Variants in RBPJ observed in about 807,000 individuals in gnomAD.
The protein encoded by RBPJ is recombination signal binding protein for immunoglobulin kappa J region.
Under a neutral mutation model 67.8 loss-of-function variants are expected in RBPJ, and 9 were observed. The ratio of observed to expected loss-of-function variants is 0.13; its 90% CI spans 0.08 to 0.23. The LOEUF (loss-of-function observed/expected upper bound fraction) is 0.23. Ranked by LOEUF, RBPJ falls within the 10% of genes least tolerant of loss-of-function variation. The probability of loss-of-function intolerance (pLI) is 1.00; values close to 1 mark genes in which losing one functional copy is unlikely to be tolerated. For synonymous variants in RBPJ, 198 were observed against 203.3 expected (o/e 0.97, Z 0.22); for missense variants, 305 against 595.6 (o/e 0.51, Z 5.08).
At chr4:26,269,507 C>T (rs1018647102) in intron 1 of RBPJ, among the ~76,000 whole-genome samples, 1 of 152,092 alleles carries the variant, frequency 6.6e-6, no homozygotes. Context: ...CGGCCAGCCT[C>T]GGCCTCCCAA....
chr4:26,415,564 A>T lies in RBPJ; in HGVS notation c.245A>T (p.Gln82Leu). 3 of 1,613,362 alleles carry T rather than the reference A, an allele frequency of 1.9e-6. No homozygotes were observed. In the South Asian group the frequency reaches 3.3e-5, roughly 18 times the overall value. ...ATGGAACGCGATGGTTGTTCTGAAC[A>T]AGAGTCTCAACCGTGTGCATTTATT... ...EQMERDGCSE[Q>L]ESQPCAFIGI... Residue 82 changes from glutamine (Q) to leucine (L), a missense_variant, in exon 4 of 11, where the codon CAA becomes CTA. By Grantham distance (113) the Gln-to-Leu change is moderately radical (BLOSUM62 -2). This residue lies in a region of RBPJ where 79 missense variants were observed against 106.2 expected (regional missense o/e 0.74). Transcript: ENST00000355476.
At chr4:26,401,425 C>A (rs557736925) in intron 2 of RBPJ, among the ~76,000 whole-genome samples, 1 of 152,312 alleles carries the variant, frequency 6.6e-6, no homozygotes, top group African/African-American at 2.4e-5. Flanking sequence ...AATAGTGTTA[C>A]CCTCAAGGTC....
At chr4:26,330,225 A>G (rs1435835628) in intron 1 of RBPJ, among the ~76,000 whole-genome samples, 1 of 152,190 alleles carries the variant, frequency 6.6e-6, no homozygotes, top group Non-Finnish European at 1.5e-5. Context: ...ATATAAATTT[A>G]TCTGTAATTG....
intron 1 of RBPJ, among the ~76,000 whole-genome samples, chr4:26,204,872 C>G (rs1471510550): frequency 6.6e-6 from 1 of 152,194 alleles, no homozygotes; most frequent in East Asian, 1.9e-4. Context: ...TGCCCTGGAG[C>G]ATTCTTTCTG....
the RBPJ span, among the ~76,000 whole-genome samples, chr4:26,152,989 C>T: frequency 6.6e-6 from 1 of 151,248 alleles, no homozygotes; most frequent in Non-Finnish European, 1.5e-5. Flanking sequence ...GGAATATTTG[C>T]ATATATATAA....
chr4:26,347,176 G>C, intron 1 of RBPJ, among the ~76,000 whole-genome samples: 1 of 152,100 alleles, frequency 6.6e-6, no homozygotes, highest in Non-Finnish European at 1.5e-5. Flanking sequence ...TGTCGACTTT[G>C]AGGTTCTTGT....
chr4:26,187,681 T>C (rs1203836564), intron 1 of RBPJ, among the ~76,000 whole-genome samples: 1 of 152,164 alleles, frequency 6.6e-6, no homozygotes, highest in South Asian at 2.1e-4. Flanking sequence ...TCTATCCTGT[T>C]TTTCTTTTTC....
the RBPJ span, chr4:26,113,220 G>T: frequency 2.8e-5 from 8 of 289,224 alleles, no homozygotes; most frequent in Middle Eastern, 4.2e-4. Context: ...TAGTACACAT[G>T]GGGGGAAGCC....
chr4:26,174,387 C>A (rs1441242701), intron 1 of RBPJ, among the ~76,000 whole-genome samples: 1 of 152,190 alleles, frequency 6.6e-6, no homozygotes, highest in Non-Finnish European at 1.5e-5. Context: ...AGGCAGGAAT[C>A]CCTGGCTTCA....
At chr4:26,296,622 C>T (rs1270201323) in intron 1 of RBPJ, among the ~76,000 whole-genome samples, 1 of 151,984 alleles carries the variant, frequency 6.6e-6, no homozygotes, top group Non-Finnish European at 1.5e-5. Context: ...TTAATAAGTT[C>T]CATTCATGTT....
At chr4:26,293,172 C>T (rs546849114) in intron 1 of RBPJ, among the ~76,000 whole-genome samples, 1 of 150,588 alleles carries the variant, frequency 6.6e-6, no homozygotes, top group East Asian at 2.0e-4. Flanking sequence ...CCAGGTTCCT[C>T]CTCAGGCCCA....
the RBPJ span, among the ~76,000 whole-genome samples, chr4:26,120,995 G>A: frequency 6.6e-6 from 1 of 151,350 alleles, no homozygotes; most frequent in Non-Finnish European, 1.5e-5. Context: ...GAGAGGAAGA[G>A]AAGAGGAAGA....
intron 1 of RBPJ, among the ~76,000 whole-genome samples, chr4:26,180,432 A>T (rs529513499): frequency 4.8e-4 from 73 of 152,346 alleles, no homozygotes; most frequent in African/African-American, 1.4e-3. Flanking sequence ...TAAACATCAG[A>T]ATCTATTTCT....
rs866061637 is a variant in RBPJ at position 26,173,987 on chromosome 4, T to G, written c.-167+10373T>G. On this transcript the variant is annotated intron_variant, in intron 1 of 4. Transcript: ENST00000512351. ...TGGGAAATTGCTTTTAAATGAACTT[T>G]TGGAATCCAACTCCTCTGAAAGCTG... is the stretch of plus-strand genomic sequence containing the variant. 6.6e-5 allele frequency among the ~76,000 whole-genome samples: 10 copies of G among 152,178 alleles called. No homozygotes were observed. In the South Asian group the frequency reaches 8.3e-4, roughly 13 times the overall value.
At chr4:26,427,424 G>A (rs1252140399) in intron 7 of RBPJ, among the ~76,000 whole-genome samples, 1 of 152,182 alleles carries the variant, frequency 6.6e-6, no homozygotes, top group Admixed American at 6.5e-5. Context: ...TTGAATGCAG[G>A]AGAGAAGTCT....
At chr4:26,165,188 A>G (rs928795282) in intron 1 of RBPJ, among the ~76,000 whole-genome samples, 1 of 152,224 alleles carries the variant, frequency 6.6e-6, no homozygotes, top group Non-Finnish European at 1.5e-5. Context: ...CCTCTTATAT[A>G]TGATAAATAG....
At chr4:26,372,870 G>A (rs1729311180) in intron 1 of RBPJ, among the ~76,000 whole-genome samples, 1 of 152,064 alleles carries the variant, frequency 6.6e-6, no homozygotes, top group South Asian at 2.1e-4. Flanking sequence ...TTCCCTTTCA[G>A]AGCCTCATGG....
At chr4:26,146,767 G>A in the RBPJ span, among the ~76,000 whole-genome samples, 1 of 152,210 alleles carries the variant, frequency 6.6e-6, no homozygotes, top group African/African-American at 2.4e-5. Context: ...TGTTGACCAT[G>A]TTGGATTGTG....
chr4:26,224,380 C>A (rs1719014809), intron 1 of RBPJ, among the ~76,000 whole-genome samples: 1 of 152,184 alleles, frequency 6.6e-6, no homozygotes. Context: ...CAGGTATGCA[C>A]CACCATGCCA....
Sources: gnomAD v4.1 joint callset for allele counts (sites outside exome capture counted in the v4.1 genomes callset) on GRCh38, gnomAD v4.1.1 for gene constraint, gnomAD v4.1.1 regional missense constraint, MANE v1.5 for transcripts, NCBI Gene and HGNC (gene_info 2026-07-23, HGNC 2026-07-21) for gene names.